The following KCTD17 variants were observed in gnomAD, a reference collection of about 807,000 sequenced individuals.
KCTD17 encodes the protein BTB/POZ domain-containing protein KCTD17.
KCTD17 carries 20 observed loss-of-function variants against 41.5 expected under a neutral mutation model. That is an observed-to-expected ratio of 0.48 (90% CI 0.34 to 0.70). KCTD17 has a LOEUF of 0.70. Among genes scored for constraint, KCTD17 ranks in the 30% least tolerant of loss-of-function variants. KCTD17 has a pLI of 0.01. For missense variants in KCTD17, 317 were observed against 427.2 expected (o/e 0.74, Z 2.27); for synonymous variants, 156 against 173.8 (o/e 0.90, Z 0.80).
At chr22:37,056,717 C>T (rs977678373) in intron 3 of KCTD17, among the ~76,000 whole-genome samples, 8 of 152,176 alleles carry the variant, frequency 5.3e-5, no homozygotes, top group Admixed American at 3.9e-4. Flanking sequence ...AATGGCACAC[C>T]CATCCCTTCC....
chr22:37,061,494 C>G lies in KCTD17; in HGVS notation c.785-45C>G, dbSNP rs1052157604. ...TGGGCCCTGGCTGCAGGCCCTGCCCCCCCTCCTCTCCTCCCGGCCTCCTCC... is the reference window on the plus strand; with the variant it reads ...TGGGCCCTGGCTGCAGGCCCTGCCCGCCCTCCTCTCCTCCCGGCCTCCTCC... On this transcript the variant is annotated intron_variant, in intron 7 of 8. Coordinates refer to ENST00000403888, the MANE Select transcript of KCTD17 (RefSeq NM_001282684.2). The surrounding 1 kb of genome is among the most constrained non-coding windows in gnomAD (Gnocchi z 6.6). 3 of 1,574,206 alleles carry G rather than the reference C, an allele frequency of 1.9e-6. No individual in the cohort carries two copies. The East Asian group carries it at 6.9e-5, about 36-fold the overall frequency.
Position 37,059,347 on chromosome 22 carries a change from G to C in KCTD17, c.521G>C (p.Ser174Thr). The C allele has an allele frequency of 6.2e-7, 1 of 1,613,228 alleles. No homozygotes were observed. The highest frequency in any genetic ancestry group is 8.5e-7 in the Non-Finnish European group (1 of 1,179,848). The change falls in exon 5 of 9, where the codon AGC becomes ACC. Residue 174 changes from serine to threonine, a missense_variant. Ser to Thr is a moderately conservative substitution (Grantham distance 58, BLOSUM62 1). Transcript: ENST00000403888. ...ATCGGCTCCTCCTACAACTACGGCA[G>C]CGAGGACCAGGCAGAGTTCCTGTGT... The part of the protein sequence containing the change: ...VNIGSSYNYG[S>T]EDQAEFLCVV...
In KCTD17 at chr22:37,061,249, C is replaced by G; in HGVS notation, c.784+74C>G. On this transcript the variant is annotated intron_variant, in intron 7 of 8. Transcript: ENST00000403888. This position sits in a 1 kb window ranked among gnomAD's most constrained non-coding sequence, Gnocchi z 6.6. ...CACCCTGCCTCTTCCCTCTCTGCCC[C>G]TGTCCGGGTTTTCTCTCTGCCTGCT... 1 of 1,545,766 alleles carries G rather than the reference C, an allele frequency of 6.5e-7. No individual in the cohort carries two copies. The highest frequency in any genetic ancestry group is 8.7e-7 in the Non-Finnish European group (1 of 1,146,778).
Position 37,056,428 on chromosome 22 carries a change from G to A in KCTD17, c.390+17G>A, listed in dbSNP as rs1328167885. Reference sequence around the variant, plus strand: ...GTCACCCAGGTCGGGAGCAGGGGCAGCACACACGGCCAGGGCAGGGGCCAG... The same window carrying A: ...GTCACCCAGGTCGGGAGCAGGGGCAACACACACGGCCAGGGCAGGGGCCAG... On this transcript the variant is annotated intron_variant, in intron 3 of 8. Coordinates refer to ENST00000403888, the MANE Select transcript of KCTD17 (RefSeq NM_001282684.2). The A allele has an allele frequency of 6.2e-7, 1 of 1,602,320 alleles. No homozygotes were observed. The highest frequency in any genetic ancestry group is 8.5e-7 in the Non-Finnish European group (1 of 1,170,092).
At chr22:37,054,461 A>G (rs980586971) in intron 2 of KCTD17, among the ~76,000 whole-genome samples, 5 of 132,916 alleles carry the variant, frequency 3.8e-5, no homozygotes, top group African/African-American at 1.2e-4. Flanking sequence ...GGCTATCCGG[A>G]GGCTAGGGGA....
In KCTD17 at chr22:37,061,638, C is replaced by T. The variant is rs756733390; in HGVS notation, c.875+9C>T. The T allele has an allele frequency of 1.3e-6, 2 of 1,591,758 alleles. No individual in the cohort carries two copies. Among genetic ancestry groups the T allele is most frequent in the Non-Finnish European group, 8.5e-7 (1 of 1,176,074 alleles). On this transcript the variant is annotated intron_variant, in intron 8 of 8. Transcript: ENST00000403888. The surrounding 1 kb of genome is among the most constrained non-coding windows in gnomAD (Gnocchi z 6.6). ...CAGAGCTGCCATCCCTGGTTTGTAG[C>T]TTGGCGGTGCTGGAGGGAGGGGTGG...
chr22:37,053,339 A>G lies in KCTD17; in HGVS notation c.298+131A>G. 2 of 708,078 alleles carry G rather than the reference A, an allele frequency of 2.8e-6. No homozygotes were observed. Among genetic ancestry groups the G allele is most frequent in the Non-Finnish European group, 2.4e-6 (1 of 414,072 alleles). 43.9% of individuals were successfully genotyped at this position (708,078 alleles called of 1,614,324 possible). ...TTGTTTCCTGCCTCTTCCCAGTCGG[A>G]CGGGGCTGATTCCCAAGCATCTGCC... On this transcript the variant is annotated intron_variant, in intron 2 of 8. Coordinates refer to ENST00000403888, the MANE Select transcript of KCTD17 (RefSeq NM_001282684.2). This position sits in a 1 kb window ranked among gnomAD's most constrained non-coding sequence, Gnocchi z 4.1.
At position 37,062,744 on chromosome 22, in the gene KCTD17, C is replaced by T; in HGVS notation, c.*150C>T. 6.9e-7 allele frequency: 1 copy of T among 1,455,346 alleles called. No homozygotes were observed. The highest frequency in any genetic ancestry group is 9.0e-7 in the Non-Finnish European group (1 of 1,107,144). The allele number at this position is 1,455,346 out of a possible 1,614,324, so 90.2% of individuals were successfully genotyped here. A position where few individuals can be genotyped will look rare whatever the true frequency, so the allele number is the denominator to read the frequency against. Reference sequence around the variant, plus strand: ...GGCCCCCCTGGGACCTCTTAAGGCCCAAGGTGGGCCCCAGGACCTCTGGGC... The same window carrying T: ...GGCCCCCCTGGGACCTCTTAAGGCCTAAGGTGGGCCCCAGGACCTCTGGGC... On this transcript the variant is annotated 3_prime_UTR_variant, in exon 9 of 9. Coordinates refer to ENST00000403888, the MANE Select transcript of KCTD17 (RefSeq NM_001282684.2).
At position 37,053,217 on chromosome 22, in the gene KCTD17, G is replaced by C. The variant is rs374499572; in HGVS notation, c.298+9G>C. ...GGACATGGCTGAGGAGGGTGAGTTG[G>C]TCCAGGGGGCTGGCCTGGACCTTAT... is the stretch of plus-strand genomic sequence containing the variant. On this transcript the variant is annotated intron_variant, in intron 2 of 8. Coordinates refer to ENST00000403888, the MANE Select transcript of KCTD17 (RefSeq NM_001282684.2). This position sits in a 1 kb window ranked among gnomAD's most constrained non-coding sequence, Gnocchi z 4.1. The C allele has an allele frequency of 2.0e-4, 323 of 1,586,120 alleles. 1 individual carries two copies. Among genetic ancestry groups the C allele is most frequent in the Middle Eastern group, 6.6e-4 (4 of 6,058 alleles).
intron 5 of KCTD17, 27 bp downstream of exon 5, chr22:37,059,465 C>T: frequency 6.3e-7 from 1 of 1,592,154 alleles, no homozygotes; most frequent in Non-Finnish European, 8.5e-7. Context: ...CAGCCTGTGT[C>T]CGGAGAAGTC....
intron 2 of KCTD17, chr22:37,055,212 A>G (rs1458974726): frequency 6.6e-6 from 1 of 152,160 alleles, no homozygotes; most frequent in Non-Finnish European, 1.5e-5. Context: ...CCTTCGATGG[A>G]GCTCACAGCT....
In KCTD17 at chr22:37,062,801, A is replaced by G. The variant is rs1925950458; in HGVS notation, c.*207A>G. 3 of 1,164,690 alleles carry G rather than the reference A, an allele frequency of 2.6e-6. No individual in the cohort carries two copies. Among genetic ancestry groups the G allele is most frequent in the African/African-American group, 1.6e-5 (1 of 64,242 alleles). The allele number at this position is 1,164,690 out of a possible 1,614,324, so 72.1% of individuals were successfully genotyped here. A position where few individuals can be genotyped will look rare whatever the true frequency, so the allele number is the denominator to read the frequency against. On this transcript the variant is annotated 3_prime_UTR_variant, in exon 9 of 9. Coordinates refer to ENST00000403888, the MANE Select transcript of KCTD17 (RefSeq NM_001282684.2). Reference sequence around the variant, plus strand: ...GACTGCTCATGGCAGATGTGTGGCAATGTCTGGCTGTGTCTCTCCGGCACC... The same window carrying G: ...GACTGCTCATGGCAGATGTGTGGCAGTGTCTGGCTGTGTCTCTCCGGCACC...
intron 5 of KCTD17, among the ~76,000 whole-genome samples, chr22:37,059,907 C>T (rs1925578946): frequency 6.6e-6 from 1 of 152,206 alleles, no homozygotes. Context: ...GTGCATGTCC[C>T]CAGCTGGCCT....
rs1433050740 is a variant in KCTD17 at position 37,051,792 on chromosome 22, C to T, written c.32C>T (p.Pro11Leu). Residue 11 changes from proline to leucine, a missense_variant, in exon 1 of 9, where the codon CCG (proline) becomes CTG (leucine). Pro to Leu is a moderately conservative substitution (Grantham distance 98). Coordinates refer to ENST00000403888, the MANE Select transcript of KCTD17 (RefSeq NM_001282684.2). MRMEAGEAAP[P>L]AGAGGRAAGG... ...ATGGAGGCCGGGGAGGCAGCGCCGC[C>T]GGCGGGGGCGGGCGGCCGCGCCGCA... 14 of 1,257,610 alleles carry T rather than the reference C, an allele frequency of 1.1e-5. No individual in the cohort carries two copies. Among genetic ancestry groups the T allele is most frequent in the Admixed American group, 8.3e-5 (2 of 23,984 alleles). The allele number at this position is 1,257,610 out of a possible 1,614,324, so 77.9% of individuals were successfully genotyped here.
intron 2 of KCTD17, chr22:37,055,433 A>G (rs1924987349): frequency 6.6e-6 from 1 of 152,122 alleles, no homozygotes; most frequent in Non-Finnish European, 1.5e-5. Flanking sequence ...ATCCCATCAC[A>G]GTTTTCAGCA....
intron 3 of KCTD17, 82 bp downstream of exon 3, chr22:37,056,493 G>T: frequency 8.7e-7 from 1 of 1,150,796 alleles, no homozygotes. Context: ...GGAAGCAGAG[G>T]AGGTTGGGAG....
chr22:37,062,899 T>A lies in KCTD17; in HGVS notation c.*305T>A, dbSNP rs1050103299. Reference sequence around the variant, plus strand: ...TCCTGGCCCGGTCACATTGCCTCCTTGAGCCTTAGTCCAGGGGGTCACTCC... The same window carrying A: ...TCCTGGCCCGGTCACATTGCCTCCTAGAGCCTTAGTCCAGGGGGTCACTCC... On this transcript the variant is annotated 3_prime_UTR_variant, in exon 9 of 9. Coordinates refer to ENST00000403888, the MANE Select transcript of KCTD17 (RefSeq NM_001282684.2). The A allele has an allele frequency of 4.5e-6, 2 of 440,266 alleles. No homozygotes were observed. The highest frequency in any genetic ancestry group is 8.1e-6 in the Non-Finnish European group (2 of 247,344). 27.3% of individuals were successfully genotyped at this position (440,266 alleles called of 1,614,324 possible).
At position 37,059,406 on chromosome 22, in the gene KCTD17, G is replaced by A. The variant is rs557230272; in HGVS notation, c.580G>A (p.Gly194Arg). 1.6e-5 allele frequency: 25 copies of A among 1,611,890 alleles called. No homozygotes were observed. The Middle Eastern group carries it at 5.0e-4, about 32-fold the overall frequency. ...CAAGGAGCTCCACAGCACCCCAAAC[G>A]GGCTGAGCTCAGAGTCCAGCCGCAA... ...VSKELHSTPN[G>R]LSSESSRKTK... The change falls in exon 5 of 9, where the codon GGG becomes AGG. Residue 194 changes from glycine (G) to arginine (R), a missense_variant. Coordinates refer to ENST00000403888, the MANE Select transcript of KCTD17 (RefSeq NM_001282684.2).
At position 37,053,511 on chromosome 22, in the gene KCTD17, T is replaced by C. The variant is rs1924737953; in HGVS notation, c.298+303T>C. ...TGTGGGCTGTGACGCCCTTTCTCTC[T>C]GGCCTCCTAGGAAGCCAGGTGTGGA... is the stretch of plus-strand genomic sequence containing the variant. On this transcript the variant is annotated intron_variant, in intron 2 of 8. Transcript: ENST00000403888. This position sits in a 1 kb window ranked among gnomAD's most constrained non-coding sequence, Gnocchi z 4.1. Among the ~76,000 whole-genome samples, 1 of 152,188 alleles carries C rather than the reference T, an allele frequency of 6.6e-6. No homozygotes were observed. Among genetic ancestry groups the C allele is most frequent in the African/African-American group, 2.4e-5 (1 of 41,442 alleles).
Sources: allele counts gnomAD v4.1 joint callset (sites outside exome capture counted in the v4.1 genomes callset), GRCh38; gene constraint gnomAD v4.1.1; non-coding constraint Gnocchi (gnomAD v3.1); transcripts MANE v1.5; gene names NCBI Gene and HGNC (gene_info 2026-07-23, HGNC 2026-07-21).